Variants in MAD1L1 observed in about 807,000 individuals in gnomAD.
MAD1L1 encodes mitotic spindle assembly checkpoint protein MAD1.
A neutral mutation model predicts 96.9 loss-of-function variants in MAD1L1; 95 were observed. That is an observed-to-expected ratio of 0.98 (90% CI 0.83 to 1.16). MAD1L1 has a LOEUF of 1.16. Ranked by LOEUF, MAD1L1 falls within the 50% of genes most tolerant of loss-of-function variation. The probability of loss-of-function intolerance (pLI) is 0.00; values close to 1 mark genes in which losing one functional copy is unlikely to be tolerated. For synonymous variants in MAD1L1, 473 were observed against 396.6 expected (o/e 1.19, Z -2.29); for missense variants, 1,007 against 954.4 (o/e 1.06, Z -0.73).
intron 18 of MAD1L1, chr7:1,854,296 C>A (rs1191432154): frequency 4.5e-6 from 2 of 440,648 alleles, no homozygotes; most frequent in African/African-American, 4.0e-5. Flanking sequence ...CTGCCCCAGC[C>A]CCAGCAGCGA....
chr7:2,078,071 C>T (rs1433158991), intron 11 of MAD1L1, among the ~76,000 whole-genome samples: 2 of 152,216 alleles, frequency 1.3e-5, no homozygotes, highest in East Asian at 1.9e-4. Context: ...AGGGCCCCCA[C>T]TCACCACAGA....
intron 11 of MAD1L1, among the ~76,000 whole-genome samples, chr7:2,128,229 T>C (rs1788332209): frequency 6.6e-6 from 1 of 152,154 alleles, no homozygotes. Context: ...AGACTAATTA[T>C]TCTGCATTTT....
chr7:1,952,487 G>A (rs965851187), intron 16 of MAD1L1, among the ~76,000 whole-genome samples: 8 of 152,184 alleles, frequency 5.3e-5, no homozygotes, highest in African/African-American at 1.2e-4. Context: ...CCATCAGCTC[G>A]CTGTATGACT....
intron 10 of MAD1L1, among the ~76,000 whole-genome samples, chr7:2,190,873 C>T (rs1366342003): frequency 2.0e-5 from 3 of 152,178 alleles, no homozygotes; most frequent in African/African-American, 4.8e-5. Flanking sequence ...TTCTCACACA[C>T]GGGTGGCCAG....
intron 14 of MAD1L1, among the ~76,000 whole-genome samples, chr7:1,983,146 G>GCACACACA (rs1780995199): frequency 7.6e-6 from 1 of 130,926 alleles, no homozygotes; most frequent in Non-Finnish European, 1.6e-5. Flanking sequence ...GCGCGCGCGC[G>GCACACACA]CGCGCGCGCA....
At chr7:1,936,627 C>G in intron 17 of MAD1L1, 60 bp downstream of exon 17, 1 of 1,498,078 alleles carries the variant, frequency 6.7e-7, no homozygotes, top group Non-Finnish European at 9.0e-7. Flanking sequence ...CAAAGGCGCA[C>G]GGATGGACCT....
At position 2,082,132 on chromosome 7, in the gene MAD1L1, C is replaced by T. The variant is rs1031616767; in HGVS notation, c.1074-12794G>A. Among the ~76,000 whole-genome samples, 8 of 152,000 alleles carry T rather than the reference C, an allele frequency of 5.3e-5. No homozygotes were observed. The South Asian group carries it at 1.0e-3, about 20-fold the overall frequency. ...AGAACGGAGAACAAGCTCCCGGGAACACCTGCGCAGGAGATGCCAGAGAAA... is the reference window on the plus strand; with the variant it reads ...AGAACGGAGAACAAGCTCCCGGGAATACCTGCGCAGGAGATGCCAGAGAAA... On this transcript the variant is annotated intron_variant, in intron 11 of 18. Transcript: ENST00000265854.
chr7:1,919,144 C>T (rs999737595), intron 17 of MAD1L1, among the ~76,000 whole-genome samples: 4 of 152,254 alleles, frequency 2.6e-5, no homozygotes, highest in South Asian at 4.1e-4. Flanking sequence ...CGGGGACAGA[C>T]GCTCACAACT....
intron 11 of MAD1L1, among the ~76,000 whole-genome samples, chr7:2,092,965 C>A (rs752717420): frequency 2.6e-5 from 4 of 151,988 alleles, no homozygotes; most frequent in Non-Finnish European, 5.9e-5. Context: ...GGGCCGAGTG[C>A]AGTGGCTCAC....
chr7:2,215,975 C>T lies in MAD1L1; in HGVS notation c.834G>A (p.Leu278=), dbSNP rs1205261087. Residue 278 remains leucine, a synonymous_variant, in exon 9 of 19, where the codon CTG becomes CTA. Transcript: ENST00000265854. ...GCAGCCCTTCCAGCTCTTCCTGGAG[C>T]AGCCCGTTGGTCTCTCTCATCTCCC... ...HLREMRETNG[L]LQEELEGLQR... The T allele has an allele frequency of 6.2e-7, 1 of 1,614,198 alleles. No homozygotes were observed. The highest frequency in any genetic ancestry group is 2.2e-5 in the East Asian group (1 of 44,880).
At chr7:2,214,073 C>T (rs1296981522) in intron 9 of MAD1L1, among the ~76,000 whole-genome samples, 3 of 152,258 alleles carry the variant, frequency 2.0e-5, no homozygotes, top group Non-Finnish European at 2.9e-5. Context: ...ACAGAACATT[C>T]GCTACGCGCC....
At chr7:2,003,198 C>T (rs73277164) in intron 13 of MAD1L1, among the ~76,000 whole-genome samples, 3,015 of 152,196 alleles carry the variant, frequency 0.02, 105 homozygotes, top group African/African-American at 0.069. Context: ...CCTGGCCCAG[C>T]GGCAACTGGA....
At chr7:1,943,877 A>G (rs1722243638) in intron 16 of MAD1L1, among the ~76,000 whole-genome samples, 1 of 152,224 alleles carries the variant, frequency 6.6e-6, no homozygotes, top group Non-Finnish European at 1.5e-5. Context: ...CCGTGCAGAC[A>G]GTGGGGTGTT....
intron 10 of MAD1L1, among the ~76,000 whole-genome samples, chr7:2,188,934 C>G (rs1791586478): frequency 6.6e-6 from 1 of 152,144 alleles, no homozygotes; most frequent in South Asian, 2.1e-4. Context: ...GAAACCGTAT[C>G]TGTAAGAGAA....
intron 16 of MAD1L1, among the ~76,000 whole-genome samples, chr7:1,954,200 C>T (rs1229750211): frequency 1.3e-5 from 2 of 152,220 alleles, no homozygotes; most frequent in Admixed American, 6.5e-5. Flanking sequence ...GGCCACCATG[C>T]AGGCCTGGTT....
intron 14 of MAD1L1, among the ~76,000 whole-genome samples, chr7:2,000,280 C>T (rs769165914): frequency 1.3e-5 from 2 of 152,102 alleles, no homozygotes; most frequent in African/African-American, 2.4e-5. Context: ...CGCCTCCGCA[C>T]GCCATTGCAG....
chr7:1,854,180 C>T (rs999376759), intron 18 of MAD1L1, among the ~76,000 whole-genome samples: 3 of 152,160 alleles, frequency 2.0e-5, no homozygotes, highest in Non-Finnish European at 4.4e-5. Context: ...AGGCTCTTTA[C>T]ATTCTCTGAG....
chr7:1,819,497 G>T (rs538810172), intron 18 of MAD1L1, among the ~76,000 whole-genome samples: 48 of 152,332 alleles, frequency 3.2e-4, no homozygotes, highest in African/African-American at 1.1e-3. Flanking sequence ...GAAGCAGAGA[G>T]GGCCTGCCCT....
chr7:2,084,300 G>A (rs1416191918), intron 11 of MAD1L1, among the ~76,000 whole-genome samples: 3 of 152,240 alleles, frequency 2.0e-5, no homozygotes, highest in Admixed American at 2.0e-4. Context: ...GTCCACAGGT[G>A]TGGCCGGACC....
Sources: gnomAD v4.1 joint callset for allele counts (sites outside exome capture counted in the v4.1 genomes callset) on GRCh38, gnomAD v4.1.1 for gene constraint, MANE v1.5 for transcripts, NCBI Gene and HGNC (gene_info 2026-07-23, HGNC 2026-07-21) for gene names.